Variants in NTRK3 observed in about 807,000 individuals in gnomAD.
The protein encoded by NTRK3 is neurotrophic receptor tyrosine kinase 3.
NTRK3 carries 24 observed loss-of-function variants against 91.7 expected under a neutral mutation model. The ratio of observed to expected loss-of-function variants is 0.26; its 90% confidence interval spans 0.19 to 0.37. The LOEUF (loss-of-function observed/expected upper bound fraction) is 0.37, where lower values mean the gene tolerates loss of function less well. NTRK3 is among the 10% of genes least tolerant of loss of function. The pLI is 1.00. For synonymous variants in NTRK3, 483 were observed against 404.0 expected, an observed-to-expected ratio of 1.20 and a Z score of -2.34; for missense variants, 880 against 1,068.9, an observed-to-expected ratio of 0.82 and a Z score of 2.46.
At chr15:88,046,944 C>A (rs1037340559) in intron 13 of NTRK3, among the ~76,000 whole-genome samples, 2 of 152,188 alleles carry the variant, frequency 1.3e-5, no homozygotes, top group African/African-American at 4.8e-5. Flanking sequence ...GTGATCTCTT[C>A]CCTTGTACGG....
chr15:87,896,844 C>T (rs79002067), intron 17 of NTRK3, among the ~76,000 whole-genome samples: 1,646 of 152,286 alleles, frequency 0.011, 35 homozygotes, highest in African/African-American at 0.038. Context: ...TGCTTGCCTT[C>T]TTTTTGCCTC....
At chr15:88,051,004 A>T (rs980513525) in intron 13 of NTRK3, among the ~76,000 whole-genome samples, 3 of 152,208 alleles carry the variant, frequency 2.0e-5, no homozygotes, top group Non-Finnish European at 4.4e-5. Context: ...TTTACTCTCT[A>T]ATACCATTTA....
chr15:88,179,686 C>G (rs2046296834), intron 5 of NTRK3, among the ~76,000 whole-genome samples: 1 of 152,146 alleles, frequency 6.6e-6, no homozygotes, highest in South Asian at 2.1e-4. Context: ...TCAGAGGACT[C>G]TGAGAACAAC....
chr15:88,103,130 T>G (rs567662154), intron 13 of NTRK3, among the ~76,000 whole-genome samples: 1 of 152,340 alleles, frequency 6.6e-6, no homozygotes, highest in African/African-American at 2.4e-5. Flanking sequence ...TGTGTCAACT[T>G]GGCTAGATGG....
At chr15:88,031,012 A>T (rs1220884166) in intron 14 of NTRK3, among the ~76,000 whole-genome samples, 3 of 152,200 alleles carry the variant, frequency 2.0e-5, no homozygotes, top group African/African-American at 4.8e-5. Flanking sequence ...GACAGCTGTG[A>T]TGTGCCTCAC....
exon 19 of NTRK3, chr15:87,869,445 C>T (rs2064768686): frequency 4.5e-6 from 1 of 223,310 alleles, no homozygotes; most frequent in Admixed American, 5.7e-5. Flanking sequence ...AGGGCTTCTT[C>T]AGAAGTCTTA....
At chr15:88,172,550 G>A (rs2045616047) in intron 5 of NTRK3, among the ~76,000 whole-genome samples, 1 of 152,176 alleles carries the variant, frequency 6.6e-6, no homozygotes, top group Non-Finnish European at 1.5e-5. Context: ...AGCTGACAGG[G>A]TTATAAGAAA....
rs558176860 is a variant in NTRK3, at chr15:87,885,137, C to T, written c.2134-4709G>A. ...TGCCGGTGGCAATGACTTCAAAATACAATGGAAAATAAGATTATTTGTACA... is the reference window on the plus strand; with the variant it reads ...TGCCGGTGGCAATGACTTCAAAATATAATGGAAAATAAGATTATTTGTACA... On this transcript the variant is annotated intron_variant, in intron 17 of 18. Coordinates refer to ENST00000394480, the Ensembl canonical transcript of NTRK3. Among the ~76,000 whole-genome samples, 9 of 151,890 alleles carry T rather than the reference C, an allele frequency of 5.9e-5. No individual in the cohort carries two copies. In the East Asian group the frequency reaches 1.7e-3, roughly 29 times the overall value.
intron 3 of NTRK3, among the ~76,000 whole-genome samples, chr15:88,212,022 A>G (rs996197502): frequency 6.6e-6 from 1 of 152,248 alleles, no homozygotes; most frequent in Non-Finnish European, 1.5e-5. Flanking sequence ...CCAATTTATT[A>G]CATGAATCAA....
At chr15:88,010,844 G>A (rs1025409972) in intron 14 of NTRK3, among the ~76,000 whole-genome samples, 1 of 151,892 alleles carries the variant, frequency 6.6e-6, no homozygotes, top group Non-Finnish European at 1.5e-5. Flanking sequence ...ACACATCTCC[G>A]TGTGCCTAAC....
At position 88,128,736 on chromosome 15, in the gene NTRK3, T is replaced by C; in HGVS notation, c.1205-2A>G. The C allele has an allele frequency of 6.2e-7, 1 of 1,613,874 alleles. No homozygotes were observed. The highest frequency in any genetic ancestry group is 8.5e-7 in the Non-Finnish European group (1 of 1,179,850). The stretch of plus-strand genomic sequence containing the variant: ...ACAAGATAAAGTTATCCGTGCTCTC[T>C]GCAAAAAAAGGACAAAGAGATAATT... On this transcript the variant is annotated splice_acceptor_variant, in intron 10 of 18. Coordinates refer to ENST00000394480, the Ensembl canonical transcript of NTRK3. LOFTEE classifies it high-confidence loss of function.
intron 3 of NTRK3, among the ~76,000 whole-genome samples, chr15:88,197,880 A>G (rs2047967668): frequency 6.6e-6 from 1 of 152,100 alleles, no homozygotes; most frequent in South Asian, 2.1e-4. Context: ...GTTTGTTATA[A>G]TGAAAAAAAA....
chr15:87,994,698 G>C (rs888157055), intron 14 of NTRK3, among the ~76,000 whole-genome samples: 1 of 152,184 alleles, frequency 6.6e-6, no homozygotes, highest in East Asian at 1.9e-4. Flanking sequence ...TCCCTGAGAA[G>C]GAAAGTACAT....
At chr15:88,118,734 C>T (rs2052377410) in intron 13 of NTRK3, among the ~76,000 whole-genome samples, 1 of 152,196 alleles carries the variant, frequency 6.6e-6, no homozygotes. Flanking sequence ...GTGACATCCA[C>T]AGTAGGGCAT....
intron 17 of NTRK3, among the ~76,000 whole-genome samples, chr15:87,925,866 G>A (rs1440727960): frequency 6.6e-6 from 1 of 152,184 alleles, no homozygotes; most frequent in Non-Finnish European, 1.5e-5. Flanking sequence ...CCCAGGAATT[G>A]CATATGGAAA....
At chr15:88,116,411 C>T (rs1379638563) in intron 13 of NTRK3, among the ~76,000 whole-genome samples, 1 of 151,146 alleles carries the variant, frequency 6.6e-6, no homozygotes, top group Non-Finnish European at 1.5e-5. Context: ...ATGGTGAAAC[C>T]CCGTATCTAC....
intron 14 of NTRK3, among the ~76,000 whole-genome samples, chr15:87,994,177 AGC>A (rs1213802938): frequency 6.6e-6 from 1 of 152,120 alleles, no homozygotes; most frequent in Non-Finnish European, 1.5e-5. Flanking sequence ...TGGGCTGGGG[AGC>A]GGGAGACATT....
intron 13 of NTRK3, among the ~76,000 whole-genome samples, chr15:88,105,035 A>G (rs1022517475): frequency 5.3e-5 from 8 of 152,126 alleles, no homozygotes; most frequent in African/African-American, 1.9e-4. Flanking sequence ...GTCTCAATTC[A>G]CTTTAGTTAA....
At chr15:88,038,280 C>T (rs778035861) in intron 13 of NTRK3, among the ~76,000 whole-genome samples, 9 of 152,208 alleles carry the variant, frequency 5.9e-5, no homozygotes, top group Admixed American at 2.0e-4. Context: ...AAAAGAGCAT[C>T]GCACCATCAG....
Sources: gnomAD v4.1 joint callset for allele counts (sites outside exome capture counted in the v4.1 genomes callset) on GRCh38, gnomAD v4.1.1 for gene constraint, MANE v1.5 for transcripts, NCBI Gene and HGNC (gene_info 2026-07-23, HGNC 2026-07-21) for gene names.